Variants in JMJD1C observed in about 807,000 individuals in gnomAD.
JMJD1C encodes the protein jumonji domain-containing protein 1C.
Under a neutral mutation model 245.3 loss-of-function variants are expected in JMJD1C, and 31 were observed. That is an observed-to-expected ratio of 0.13 (90% CI 0.09 to 0.17). The LOEUF is 0.17. JMJD1C is among the 10% of genes least tolerant of loss of function. The pLI, the probability that JMJD1C is intolerant of heterozygous loss-of-function variation, is 1.00. For missense variants in JMJD1C, 2,691 were observed against 3,000.2 expected (o/e 0.90, Z 2.41); for synonymous variants, 1,057 against 1,017.4 (o/e 1.04, Z -0.74).
chr10:63,504,606 C>CT (rs1954660928), intron 1 of JMJD1C, among the ~76,000 whole-genome samples: 1 of 152,162 alleles, frequency 6.6e-6, no homozygotes, highest in Non-Finnish European at 1.5e-5. Context: ...CAGGGACCAG[C>CT]TCACACAAGG....
At chr10:63,211,143 C>T (rs1348339713) in intron 8 of JMJD1C, among the ~76,000 whole-genome samples, 2 of 152,164 alleles carry the variant, frequency 1.3e-5, no homozygotes, top group African/African-American at 4.8e-5. Context: ...GCATCATCAA[C>T]CACTTGGTGC....
chr10:63,500,855 G>A (rs557241437), intron 1 of JMJD1C, among the ~76,000 whole-genome samples: 2 of 152,136 alleles, frequency 1.3e-5, no homozygotes, highest in Admixed American at 6.5e-5. Context: ...ATGGATGGAT[G>A]GATAGATAGA....
At chr10:63,401,502 C>T (rs1948854984) in intron 1 of JMJD1C, among the ~76,000 whole-genome samples, 1 of 152,102 alleles carries the variant, frequency 6.6e-6, no homozygotes, top group Admixed American at 6.5e-5. Flanking sequence ...CCACCTAGGC[C>T]TCTTGTATTG....
intron 1 of JMJD1C, among the ~76,000 whole-genome samples, chr10:63,459,682 C>T (rs1197277715): frequency 1.3e-5 from 2 of 152,022 alleles, no homozygotes; most frequent in Non-Finnish European, 2.9e-5. Context: ...CGTCTGAACA[C>T]CAAATAACAA....
chr10:63,252,368 C>A (rs187787330), intron 3 of JMJD1C, among the ~76,000 whole-genome samples: 4 of 152,166 alleles, frequency 2.6e-5, no homozygotes, highest in Non-Finnish European at 4.4e-5. Context: ...CTGAGTAAAG[C>A]AGATTACCCC....
chr10:63,221,212 T>C (rs1231312915), intron 3 of JMJD1C, among the ~76,000 whole-genome samples: 1 of 152,006 alleles, frequency 6.6e-6, no homozygotes, highest in Admixed American at 6.6e-5. Flanking sequence ...TTGGCAACTT[T>C]GAAAAGCCAA....
At chr10:63,462,206 C>G (rs1197198630) in intron 1 of JMJD1C, among the ~76,000 whole-genome samples, 2 of 152,080 alleles carry the variant, frequency 1.3e-5, no homozygotes, top group African/African-American at 2.4e-5. Context: ...ATACAGATAA[C>G]CCAAAAGGTT....
At chr10:63,168,319 T>G in intron 25 of JMJD1C, 116 bp downstream of exon 25, 1 of 1,104,530 alleles carries the variant, frequency 9.1e-7, no homozygotes, top group Non-Finnish European at 1.3e-6. Context: ...GTGTTAATCT[T>G]TGGTTGTCAC....
intron 3 of JMJD1C, among the ~76,000 whole-genome samples, chr10:63,263,998 ACACACACAC>A (rs1477211327): frequency 2.0e-5 from 3 of 149,250 alleles, no homozygotes; most frequent in African/African-American, 7.5e-5. Context: ...ACACACACAC[ACACACACAC>A]AATTCTGTGA....
chr10:63,319,057 G>C (rs1171364886), intron 2 of JMJD1C, among the ~76,000 whole-genome samples: 4 of 151,014 alleles, frequency 2.6e-5, no homozygotes, highest in Non-Finnish European at 5.9e-5. Flanking sequence ...CCAGGAGATC[G>C]ACACCATCCT....
chr10:63,490,245 C>A (rs187581818), intron 1 of JMJD1C, among the ~76,000 whole-genome samples: 2 of 152,128 alleles, frequency 1.3e-5, no homozygotes, highest in Admixed American at 1.3e-4. Context: ...CTTTCCCAGA[C>A]TCTTGACCTA....
At chr10:63,258,813 A>G (rs967370934) in intron 3 of JMJD1C, among the ~76,000 whole-genome samples, 4 of 151,268 alleles carry the variant, frequency 2.6e-5, no homozygotes, top group Non-Finnish European at 4.4e-5. Flanking sequence ...GATAAAGATC[A>G]TTACTTACAA....
chr10:63,427,456 C>A, intron 1 of JMJD1C: 2 of 1,160,806 alleles, frequency 1.7e-6, no homozygotes, highest in Non-Finnish European at 1.3e-6. Context: ...GCTGTCCCAG[C>A]AACTCCTGAC....
intron 1 of JMJD1C, among the ~76,000 whole-genome samples, chr10:63,396,797 A>C (rs76544100): frequency 1.3e-5 from 2 of 151,828 alleles, no homozygotes; most frequent in Non-Finnish European, 2.9e-5. Context: ...CCTTAGATTC[A>C]GCAAAAAAAA....
At chr10:63,462,793 G>T (rs559063247) in intron 1 of JMJD1C, among the ~76,000 whole-genome samples, 1 of 152,224 alleles carries the variant, frequency 6.6e-6, no homozygotes, top group African/African-American at 2.4e-5. Context: ...TTTGATTTTA[G>T]CCCAGCAAGA....
intron 1 of JMJD1C, among the ~76,000 whole-genome samples, chr10:63,440,515 C>T (rs1951321873): frequency 6.6e-6 from 1 of 152,004 alleles, no homozygotes; most frequent in Admixed American, 6.6e-5. Context: ...TCAAATGATT[C>T]TAATTACATT....
chr10:63,443,200 G>A (rs1167074117), intron 1 of JMJD1C, among the ~76,000 whole-genome samples: 2 of 152,194 alleles, frequency 1.3e-5, no homozygotes, highest in African/African-American at 4.8e-5. Context: ...AGAAATGCAT[G>A]GGGTGAGGTA....
chr10:63,444,633 T>C (rs1357349743), intron 1 of JMJD1C, among the ~76,000 whole-genome samples: 1 of 151,276 alleles, frequency 6.6e-6, no homozygotes, highest in African/African-American at 2.4e-5. Flanking sequence ...CTTTTTTTTT[T>C]TTTTTTTTGG....
At chr10:63,268,117 T>TAAA (rs5785563) in intron 2 of JMJD1C, among the ~76,000 whole-genome samples, 4 of 147,272 alleles carry the variant, frequency 2.7e-5, no homozygotes, top group Non-Finnish European at 4.5e-5. Context: ...AATTCCAAGT[T>TAAA]AAAAAAAAAA....
Sources: gnomAD v4.1 joint callset for allele counts (sites outside exome capture counted in the v4.1 genomes callset) on GRCh38, gnomAD v4.1.1 for gene constraint, MANE v1.5 for transcripts, NCBI Gene and HGNC (gene_info 2026-07-23, HGNC 2026-07-21) for gene names.